The following RFX4 variants were observed in gnomAD, a reference collection of about 807,000 sequenced individuals.
RFX4 encodes the protein regulatory factor X4.
A neutral mutation model predicts 95.0 loss-of-function variants in RFX4; 10 were observed. That is an observed-to-expected ratio of 0.11 (90% CI 0.06 to 0.18). The LOEUF (loss-of-function observed/expected upper bound fraction) is 0.18. Ranked by LOEUF, RFX4 falls within the 10% of genes least tolerant of loss-of-function variation. The pLI is 1.00. For synonymous variants in RFX4, 321 were observed against 340.7 expected (o/e 0.94, Z 0.64); for missense variants, 640 against 922.0 (o/e 0.69, Z 3.96).
At position 106,687,389 on chromosome 12, in the gene RFX4, C is replaced by T. The variant is rs569144328; in HGVS notation, c.591+292C>T. 2.0e-5 allele frequency among the ~76,000 whole-genome samples: 3 copies of T among 151,910 alleles called. No homozygotes were observed. The East Asian group carries it at 5.8e-4, about 29-fold the overall frequency. ...CCAACATGGTGAAACCCTGTCTCTA[C>T]TAAAAATACAAAAAATTAGCCAGGT... is the stretch of plus-strand genomic sequence containing the variant. On this transcript the variant is annotated intron_variant, in intron 6 of 17. Transcript: ENST00000392842.
intron 2 of RFX4, among the ~76,000 whole-genome samples, chr12:106,627,462 G>C (rs190737862): frequency 2.0e-5 from 3 of 152,176 alleles, no homozygotes; most frequent in Admixed American, 6.5e-5. Context: ...GTGAACCTGG[G>C]AGGTGAAGAG....
chr12:106,746,394 T>C (rs2042896156), intron 15 of RFX4, among the ~76,000 whole-genome samples: 1 of 149,836 alleles, frequency 6.7e-6, no homozygotes, highest in Non-Finnish European at 1.5e-5. Flanking sequence ...TAGCTGGGCA[T>C]GGTGGTACAT....
In RFX4 at chr12:106,583,208, C is replaced by T. The variant is rs1240530402; in HGVS notation, c.-113C>T. The T allele has an allele frequency of 1.0e-6, 1 of 966,576 alleles. No homozygotes were observed. The allele number at this position is 966,576 out of a possible 1,614,324, so 59.9% of individuals were successfully genotyped here. A position where few individuals can be genotyped will look rare whatever the true frequency, so the allele number is the denominator to read the frequency against. On this transcript the variant is annotated 5_prime_UTR_variant, in exon 1 of 18. Coordinates refer to ENST00000392842, the MANE Select transcript of RFX4 (RefSeq NM_213594.3). ...TTGTGCCCCCTCACTTTCTGCGTCT[C>T]TCTCTCTCCCCTTCTCCCTCCCTCC...
chr12:106,759,005 T>C (rs892178958), intron 17 of RFX4, among the ~76,000 whole-genome samples: 1 of 152,150 alleles, frequency 6.6e-6, no homozygotes, highest in African/African-American at 2.4e-5. Flanking sequence ...CTAGGCACCA[T>C]GCCAGATGTT....
At chr12:106,608,412 A>G (rs2039883425) in intron 1 of RFX4, among the ~76,000 whole-genome samples, 1 of 152,214 alleles carries the variant, frequency 6.6e-6, no homozygotes, top group African/African-American at 2.4e-5. Flanking sequence ...CAAGTTTACA[A>G]ATCACCACCA....
At chr12:106,665,803 T>A (rs1490163903) in intron 4 of RFX4, among the ~76,000 whole-genome samples, 1 of 144,382 alleles carries the variant, frequency 6.9e-6, no homozygotes, top group Non-Finnish European at 1.6e-5. Flanking sequence ...TTTTGTGCCC[T>A]CTGTAAAAAA....
chr12:106,596,769 C>A (rs958392140), intron 1 of RFX4, among the ~76,000 whole-genome samples: 1 of 152,200 alleles, frequency 6.6e-6, no homozygotes, highest in South Asian at 2.1e-4. Context: ...GGAGCTTTTC[C>A]TTTTTCAAGA....
chr12:106,664,017 A>T (rs753453209), intron 4 of RFX4, among the ~76,000 whole-genome samples: 11 of 151,820 alleles, frequency 7.2e-5, no homozygotes, highest in Non-Finnish European at 1.5e-4. Context: ...ATTGGTGTGT[A>T]ACTTTTTTTA....
At chr12:106,691,805 T>A (rs1311622053) in intron 7 of RFX4, among the ~76,000 whole-genome samples, 1 of 152,214 alleles carries the variant, frequency 6.6e-6, no homozygotes, top group Non-Finnish European at 1.5e-5. Context: ...AATGAGTGGA[T>A]GAATGGATGA....
At chr12:106,609,314 T>C (rs1235871879) in intron 2 of RFX4, among the ~76,000 whole-genome samples, 1 of 152,226 alleles carries the variant, frequency 6.6e-6, no homozygotes, top group African/African-American at 2.4e-5. Context: ...TTTCTTCCGG[T>C]TCTTGGACTA....
rs1209718792 is a variant in RFX4, at chr12:106,608,894, G to A, written c.130+11G>A. The A allele has an allele frequency of 3.7e-6, 6 of 1,605,112 alleles. No homozygotes were observed. In the South Asian group the frequency reaches 6.8e-5, roughly 18 times the overall value. On this transcript the variant is annotated intron_variant, in intron 2 of 17. Transcript: ENST00000392842. ...TTTCTAATGATGAAAGTAAGTGCTT[G>A]AAACTCATTCTTCCATGACATCCCA...
At chr12:106,752,920 C>G (rs2043036669) in intron 17 of RFX4, among the ~76,000 whole-genome samples, 1 of 152,126 alleles carries the variant, frequency 6.6e-6, no homozygotes, top group African/African-American at 2.4e-5. Flanking sequence ...ACTCTGCATC[C>G]TAAGTATCTC....
intron 2 of RFX4, among the ~76,000 whole-genome samples, chr12:106,637,810 T>C (rs1006153686): frequency 1.3e-5 from 2 of 152,180 alleles, no homozygotes; most frequent in African/African-American, 2.4e-5. Flanking sequence ...ATCAGGGTCA[T>C]GTGAGCTAAA....
chr12:106,591,301 A>T (rs559072710), intron 1 of RFX4, among the ~76,000 whole-genome samples: 1 of 113,406 alleles, frequency 8.8e-6, no homozygotes, highest in East Asian at 2.4e-4. Flanking sequence ...GGAGTCTTGC[A>T]CTGTCACCCG....
chr12:106,670,351 G>A (rs962306458), intron 4 of RFX4, among the ~76,000 whole-genome samples: 16 of 152,124 alleles, frequency 1.1e-4, no homozygotes, highest in African/African-American at 3.9e-4. Context: ...CTAAATCAGT[G>A]TGTGATGACT....
intron 8 of RFX4, among the ~76,000 whole-genome samples, chr12:106,707,767 A>G (rs1240353434): frequency 6.6e-6 from 1 of 152,040 alleles, no homozygotes. Context: ...AAGGAGATAG[A>G]GTGGAGGAAA....
intron 15 of RFX4, 23 bp downstream of exon 15, chr12:106,733,108 CT>C (rs745419357): frequency 1.9e-6 from 3 of 1,612,010 alleles, no homozygotes; most frequent in Non-Finnish European, 2.5e-6. Flanking sequence ...CCTTCAAAAA[CT>C]TTGGGTAGTT....
chr12:106,732,999 C>A lies in RFX4; in HGVS notation c.1547C>A (p.Ala516Glu), dbSNP rs933427406. ...TPSPVPSFSP[A>E]KSATSVEVPP... Reference sequence around the variant, plus strand: ...TCACCAGTGCCATCGTTTTCTCCAGCAAAATCTGCCACATCTGTGGAAGTG... The same window carrying A: ...TCACCAGTGCCATCGTTTTCTCCAGAAAAATCTGCCACATCTGTGGAAGTG... Residue 516 changes from alanine to glutamate, a missense_variant, in exon 15 of 18, where the codon GCA becomes GAA. This residue lies in a region of RFX4 where 300 missense variants were observed against 346.8 expected (regional missense o/e 0.87). Coordinates refer to ENST00000392842, the MANE Select transcript of RFX4 (RefSeq NM_213594.3). 9.9e-6 allele frequency: 16 copies of A among 1,614,200 alleles called. No individual in the cohort carries two copies. Among genetic ancestry groups the A allele is most frequent in the Non-Finnish European group, 1.3e-5 (15 of 1,180,040 alleles).
At chr12:106,726,994 AC>A (rs1368727878) in intron 13 of RFX4, among the ~76,000 whole-genome samples, 1 of 151,874 alleles carries the variant, frequency 6.6e-6, no homozygotes, top group Non-Finnish European at 1.5e-5. Flanking sequence ...CTGGTCAGGA[AC>A]TCCTGACCTC....
Sources: gnomAD v4.1 joint callset for allele counts (sites outside exome capture counted in the v4.1 genomes callset) on GRCh38, gnomAD v4.1.1 for gene constraint, gnomAD v4.1.1 regional missense constraint, MANE v1.5 for transcripts, NCBI Gene and HGNC (gene_info 2026-07-23, HGNC 2026-07-21) for gene names.